TSG101: variants seen among roughly 807,000 people sequenced by gnomAD.
TSG101 encodes the protein tumor susceptibility gene 101 protein.
TSG101 carries 19 observed loss-of-function variants against 48.5 expected under a neutral mutation model. That is an observed-to-expected ratio of 0.39 (90% CI 0.27 to 0.58). The LOEUF (loss-of-function observed/expected upper bound fraction) is 0.58, where lower values mean the gene tolerates loss of function less well. Ranked by LOEUF, TSG101 falls within the 20% of genes least tolerant of loss-of-function variation. The pLI is 0.55. For synonymous variants in TSG101, 174 were observed against 169.4 expected (o/e 1.03, Z -0.21); for missense variants, 365 against 484.4 (o/e 0.75, Z 2.31).
chr11:18,480,559 C>G lies in TSG101; in HGVS notation c.1160G>C (p.Ser387Thr), dbSNP rs1202007911. The part of the protein sequence containing the change: ...MQKARKTAGL[S>T]DLY The stretch of plus-strand genomic sequence containing the variant: ...GTATCAGAGAAGTCAGTAGAGGTCA[C>G]TGAGACCGGCAGTCTTTCTTGCTTT... The change falls in exon 10 of 10, where the codon AGT (serine) becomes ACT (threonine). Residue 387 changes from serine to threonine, a missense_variant. By Grantham distance (58) the Ser-to-Thr change is moderately conservative. Transcript: ENST00000251968. 3.1e-6 allele frequency: 5 copies of G among 1,613,680 alleles called. No homozygotes were observed. In the African/African-American group the frequency reaches 6.7e-5, roughly 22 times the overall value.
chr11:18,512,963 A>G (rs1850114069), intron 4 of TSG101, among the ~76,000 whole-genome samples: 1 of 151,922 alleles, frequency 6.6e-6, no homozygotes, highest in African/African-American at 2.4e-5. Context: ...TCTGGCCTCA[A>G]GTGATCCTCC....
intron 5 of TSG101, among the ~76,000 whole-genome samples, chr11:18,508,309 C>T (rs1270847932): frequency 6.6e-6 from 1 of 150,470 alleles, no homozygotes; most frequent in Non-Finnish European, 1.5e-5. Flanking sequence ...GCAACATCTG[C>T]CTCAGCCTCC....
At chr11:18,484,964 A>C (rs1308718241) in intron 7 of TSG101, among the ~76,000 whole-genome samples, 1 of 94,552 alleles carries the variant, frequency 1.1e-5, no homozygotes, top group African/African-American at 4.3e-5. Flanking sequence ...TTTGAGATGG[A>C]GTCTCACTCT....
chr11:18,525,212 G>A (rs1431710891), intron 1 of TSG101, among the ~76,000 whole-genome samples: 1 of 152,034 alleles, frequency 6.6e-6, no homozygotes, highest in Non-Finnish European at 1.5e-5. Context: ...CCCAGCCCAA[G>A]GACTAAATCT....
In TSG101 at chr11:18,510,313, C is replaced by T. The variant is rs531455826; in HGVS notation, c.358-648G>A. 5.3e-5 allele frequency among the ~76,000 whole-genome samples: 8 copies of T among 152,230 alleles called. No individual in the cohort carries two copies. The South Asian group carries it at 1.7e-3, about 32-fold the overall frequency. ...ATGTGCGTCTATGGTCCCAGTTACT[C>T]AGGAGGCTGAGGCAAGAGAATTGCT... On this transcript the variant is annotated intron_variant, in intron 4 of 9. Transcript: ENST00000251968.
chr11:18,516,218 A>C, intron 2 of TSG101, 54 bp from the exon 3 acceptor site: 1 of 1,498,288 alleles, frequency 6.7e-7, no homozygotes, highest in Non-Finnish European at 9.3e-7. Flanking sequence ...ATACTCCCAT[A>C]AGTTATTCTT....
At chr11:18,503,624 A>G (rs1590280011) in intron 6 of TSG101, among the ~76,000 whole-genome samples, 1 of 152,104 alleles carries the variant, frequency 6.6e-6, no homozygotes, top group Admixed American at 6.5e-5. Context: ...CACCCGCCTC[A>G]GCCTCCCAAA....
At chr11:18,481,269 A>AT (rs1367447656) in intron 9 of TSG101, 9 of 984,730 alleles carry the variant, frequency 9.1e-6, no homozygotes, top group Non-Finnish European at 1.1e-5. Flanking sequence ...AAATTAACAG[A>AT]TAAAAAATGG....
chr11:18,506,015 C>G (rs1212641363), intron 6 of TSG101, among the ~76,000 whole-genome samples: 2 of 152,100 alleles, frequency 1.3e-5, no homozygotes, highest in East Asian at 3.9e-4. Flanking sequence ...TGGGGTTTCA[C>G]TCTGTTGGCC....
chr11:18,526,288 G>T (rs1318755194), intron 1 of TSG101, among the ~76,000 whole-genome samples: 2 of 152,170 alleles, frequency 1.3e-5, no homozygotes, highest in African/African-American at 4.8e-5. Context: ...GGCAGTAAGG[G>T]ACTGGTATTT....
chr11:18,526,712 C>T (rs1850381275), intron 1 of TSG101, 63 bp downstream of exon 1: 1 of 1,568,896 alleles, frequency 6.4e-7, no homozygotes, highest in African/African-American at 1.3e-5. Context: ...CCGGGACGGA[C>T]TCGACAGGGC....
Position 18,502,548 on chromosome 11 carries a change from C to G in TSG101, c.578G>C (p.Gly193Ala), listed in dbSNP as rs1179850497. 2 of 1,612,562 alleles carry G rather than the reference C, an allele frequency of 1.2e-6. No individual in the cohort carries two copies. Among genetic ancestry groups the G allele is most frequent in the East Asian group, 4.5e-5 (2 of 44,830 alleles). ...ACTTGTTGTGGCAGGATATGGACCA[C>G]CAGGTGGGTAAGGACAGCCTGGGTA... Reference protein sequence around the residue: ...SGYPGCPYPPGGPYPATTSSQ... With the variant: ...SGYPGCPYPPAGPYPATTSSQ... Residue 193 changes from glycine (G) to alanine (A), a missense_variant, in exon 7 of 10, where the codon GGT becomes GCT. Gly to Ala is a moderately conservative substitution (Grantham distance 60). Transcript: ENST00000251968.
rs928555983 is a variant in TSG101, at chr11:18,480,366, G to A, written c.*180C>T. Reference sequence around the variant, plus strand: ...ACATTCAGCACAAAAAGTTTACAGAGGATAGAAAGTGCATTAATAAAAGCC... The same window carrying A: ...ACATTCAGCACAAAAAGTTTACAGAAGATAGAAAGTGCATTAATAAAAGCC... On this transcript the variant is annotated 3_prime_UTR_variant, in exon 10 of 10. Transcript: ENST00000251968. 4.2e-6 allele frequency: 2 copies of A among 474,456 alleles called. No individual in the cohort carries two copies. Among genetic ancestry groups the A allele is most frequent in the Admixed American group, 3.6e-5 (1 of 27,450 alleles). 29.4% of individuals were successfully genotyped at this position (474,456 alleles called of 1,614,324 possible). A position where few individuals can be genotyped will look rare whatever the true frequency, so the allele number is the denominator to read the frequency against.
intron 7 of TSG101, among the ~76,000 whole-genome samples, chr11:18,500,518 CCATT>C (rs996624060): frequency 3.3e-5 from 5 of 152,138 alleles, no homozygotes; most frequent in African/African-American, 7.2e-5. Context: ...TTAATAATGG[CCATT>C]CAAACTGGGA....
At chr11:18,493,882 A>G (rs957844832) in intron 7 of TSG101, among the ~76,000 whole-genome samples, 2 of 152,204 alleles carry the variant, frequency 1.3e-5, no homozygotes, top group African/African-American at 2.4e-5. Context: ...GTAAGCTTCT[A>G]ATACTACTTA....
At chr11:18,518,449 A>G (rs1850215304) in intron 2 of TSG101, among the ~76,000 whole-genome samples, 1 of 152,184 alleles carries the variant, frequency 6.6e-6, no homozygotes, top group African/African-American at 2.4e-5. Flanking sequence ...CTGGCATATT[A>G]TTTTCAAGGA....
rs771695222 is a variant in TSG101 at position 18,481,796 on chromosome 11, T to C, written c.917A>G (p.Glu306Gly). 1.3e-5 allele frequency: 21 copies of C among 1,614,060 alleles called. No individual in the cohort carries two copies. Among genetic ancestry groups the C allele is most frequent in the Non-Finnish European group, 1.7e-6 (2 of 1,180,032 alleles). Residue 306 changes from glutamate to glycine, a missense_variant, in exon 9 of 10, where the codon GAA (glutamate) becomes GGA (glycine). Transcript: ENST00000251968. ...EELSSALEKMENQSENNDIDE... is the reference protein window; with the variant it reads ...EELSSALEKMGNQSENNDIDE... ...GATATCATTGTTTTCAGACTGATTT[T>C]CCATTTTTTCCAGAGCAGAACTGAG...
chr11:18,512,381 T>C (rs1208306553), intron 4 of TSG101, among the ~76,000 whole-genome samples: 2 of 152,186 alleles, frequency 1.3e-5, no homozygotes, highest in African/African-American at 4.8e-5. Flanking sequence ...TATTATTCTA[T>C]TTTTCAGTTC....
At position 18,493,418 on chromosome 11, in the gene TSG101, G is replaced by C. The variant is rs549430744; in HGVS notation, c.640+9068C>G. ...TTATCTCCTAAGAGTATTTACAAAC[G>C]ATCACTACTTCCTGGAACTCAAATG... On this transcript the variant is annotated intron_variant, in intron 7 of 9. Coordinates refer to ENST00000251968, the MANE Select transcript of TSG101 (RefSeq NM_006292.4). 6.6e-5 allele frequency among the ~76,000 whole-genome samples: 10 copies of C among 152,196 alleles called. No individual in the cohort carries two copies. In the East Asian group the frequency reaches 1.9e-3, roughly 29 times the overall value.
Sources: allele counts gnomAD v4.1 joint callset (sites outside exome capture counted in the v4.1 genomes callset), GRCh38; gene constraint gnomAD v4.1.1; transcripts MANE v1.5; gene names NCBI Gene and HGNC (gene_info 2026-07-23, HGNC 2026-07-21).